Variants in GRIK1 observed in about 807,000 individuals in gnomAD.
GRIK1 encodes glutamate receptor ionotropic, kainate 1.
In GRIK1, 69 loss-of-function variants were observed where a neutral mutation model predicts 105.7. The observed-to-expected ratio is 0.65, with a 90% CI of 0.54 to 0.80. The LOEUF (loss-of-function observed/expected upper bound fraction) is 0.80. Ranked by LOEUF, GRIK1 falls within the 30% of genes least tolerant of loss-of-function variation. The probability of loss-of-function intolerance (pLI) is 0.00; values close to 1 mark genes in which losing one functional copy is unlikely to be tolerated. For missense variants in GRIK1, 1,109 were observed against 1,167.3 expected, an observed-to-expected ratio of 0.95 and a Z score of 0.73; for synonymous variants, 438 against 431.3, an observed-to-expected ratio of 1.02 and a Z score of -0.19.
At chr21:29,658,331 C>T (rs745771234) in intron 4 of GRIK1, among the ~76,000 whole-genome samples, 36 of 152,134 alleles carry the variant, frequency 2.4e-4, no homozygotes, top group Non-Finnish European at 3.4e-4. Flanking sequence ...GGTACAATCT[C>T]GGCTCCCTGC....
At chr21:29,635,286 C>A (rs1158911314) in intron 7 of GRIK1, among the ~76,000 whole-genome samples, 2 of 152,178 alleles carry the variant, frequency 1.3e-5, no homozygotes, top group African/African-American at 4.8e-5. Context: ...AGGAAGTGTT[C>A]TCCAGAGATG....
chr21:29,550,812 A>T (rs1011597426), intron 16 of GRIK1, among the ~76,000 whole-genome samples: 1 of 152,248 alleles, frequency 6.6e-6, no homozygotes, highest in African/African-American at 2.4e-5. Context: ...AACAGTTGTT[A>T]ACGGATATAT....
chr21:29,933,792 A>T (rs192981900), intron 1 of GRIK1, among the ~76,000 whole-genome samples: 2 of 152,300 alleles, frequency 1.3e-5, no homozygotes, highest in East Asian at 3.9e-4. Flanking sequence ...GTTTCAGTCA[A>T]TTAGAAAAAG....
intron 1 of GRIK1, among the ~76,000 whole-genome samples, chr21:29,871,757 T>C (rs1301286190): frequency 8.6e-6 from 1 of 116,270 alleles, no homozygotes; most frequent in Non-Finnish European, 1.8e-5. Flanking sequence ...GCCAATCTTT[T>C]TAATTTTTTT....
At chr21:29,719,532 CAT>C (rs2064268146) in intron 1 of GRIK1, among the ~76,000 whole-genome samples, 2 of 152,022 alleles carry the variant, frequency 1.3e-5, no homozygotes, top group Non-Finnish European at 2.9e-5. Flanking sequence ...GAATTTAAAA[CAT>C]ATAGGTTTCA....
At chr21:29,695,903 GA>G (rs940706243) in intron 1 of GRIK1, among the ~76,000 whole-genome samples, 25 of 151,794 alleles carry the variant, frequency 1.6e-4, no homozygotes, top group African/African-American at 2.4e-4. Context: ...TTCAAAGGGG[GA>G]AAAAAAAGAA....
At chr21:29,834,685 T>A (rs1266895299) in intron 1 of GRIK1, among the ~76,000 whole-genome samples, 1 of 151,298 alleles carries the variant, frequency 6.6e-6, no homozygotes, top group Middle Eastern at 3.2e-3. Context: ...AAATTATACA[T>A]CATAGTTCTT....
At chr21:29,583,413 A>G (rs1233816347) in intron 12 of GRIK1, among the ~76,000 whole-genome samples, 3 of 152,168 alleles carry the variant, frequency 2.0e-5, no homozygotes, top group Admixed American at 2.0e-4. Context: ...ATTAATTGAA[A>G]TAAATTAAGA....
At chr21:29,913,608 A>T (rs1439513925) in intron 1 of GRIK1, among the ~76,000 whole-genome samples, 1 of 151,422 alleles carries the variant, frequency 6.6e-6, no homozygotes, top group Non-Finnish European at 1.5e-5. Context: ...AGTGTAGAAA[A>T]GGTGAGATAT....
intron 1 of GRIK1, among the ~76,000 whole-genome samples, chr21:29,797,621 G>A (rs2066594675): frequency 6.6e-6 from 1 of 152,218 alleles, no homozygotes; most frequent in East Asian, 1.9e-4. Context: ...TATGTAATTA[G>A]TTGCATTTGT....
intron 1 of GRIK1, among the ~76,000 whole-genome samples, chr21:29,708,788 T>C (rs2063975853): frequency 6.6e-6 from 1 of 152,238 alleles, no homozygotes; most frequent in Non-Finnish European, 1.5e-5. Context: ...ATTTTAATCC[T>C]CTTTTTAAAA....
chr21:29,639,558 A>G (rs1041738), intron 7 of GRIK1, among the ~76,000 whole-genome samples: 18,107 of 152,176 alleles, frequency 0.12, 1,699 homozygotes, highest in African/African-American at 0.26. Flanking sequence ...CAGGTGCTGC[A>G]GATGGAGCAG....
chr21:29,780,868 G>A (rs1165289645), intron 1 of GRIK1, among the ~76,000 whole-genome samples: 2 of 152,168 alleles, frequency 1.3e-5, no homozygotes, highest in African/African-American at 4.8e-5. Flanking sequence ...TAGAGACAAT[G>A]TTTATATGAA....
intron 1 of GRIK1, among the ~76,000 whole-genome samples, chr21:29,809,304 C>T (rs557856640): frequency 7.9e-5 from 12 of 152,234 alleles, no homozygotes; most frequent in Admixed American, 2.0e-4. Flanking sequence ...GCAAATTTTT[C>T]GGTTTTCCAG....
rs557224266 is a variant in GRIK1, at chr21:29,882,865, A to G, written c.118+56518T>C. Among the ~76,000 whole-genome samples the G allele has an allele frequency of 4.4e-4, 67 of 152,200 alleles. 2 individuals are homozygous for G. In the South Asian group the frequency reaches 0.014, roughly 32 times the overall value. On this transcript the variant is annotated intron_variant, in intron 1 of 17. Transcript: ENST00000327783. ...AAGCATTCTCTATCTACCACGATCT[A>G]TACAGAGCTCTCTTTTCCTTATTTA...
intron 1 of GRIK1, among the ~76,000 whole-genome samples, chr21:29,799,096 T>A (rs2066634709): frequency 6.6e-6 from 1 of 152,188 alleles, no homozygotes; most frequent in Non-Finnish European, 1.5e-5. Flanking sequence ...CTAAACCTCA[T>A]CATCCAAAAT....
At chr21:29,761,794 C>G (rs1457218542) in intron 1 of GRIK1, among the ~76,000 whole-genome samples, 1 of 142,338 alleles carries the variant, frequency 7.0e-6, no homozygotes, top group Non-Finnish European at 1.5e-5. Context: ...GTTGCCCAGG[C>G]TGGAGTGAAA....
At chr21:29,892,021 G>A (rs1025686770) in intron 1 of GRIK1, among the ~76,000 whole-genome samples, 1 of 152,164 alleles carries the variant, frequency 6.6e-6, no homozygotes, top group Non-Finnish European at 1.5e-5. Flanking sequence ...CATAATGAAA[G>A]GACTTTGCAT....
intron 1 of GRIK1, among the ~76,000 whole-genome samples, chr21:29,732,166 T>C (rs1181672698): frequency 1.3e-5 from 2 of 152,168 alleles, no homozygotes; most frequent in African/African-American, 2.4e-5. Flanking sequence ...TAATAAAGTA[T>C]CCCAGTTTGC....
Sources: allele counts gnomAD v4.1 joint callset (sites outside exome capture counted in the v4.1 genomes callset), GRCh38; gene constraint gnomAD v4.1.1; transcripts MANE v1.5; gene names NCBI Gene and HGNC (gene_info 2026-07-23, HGNC 2026-07-21).